ATRNL1: variants seen among roughly 807,000 people sequenced by gnomAD.
The protein encoded by ATRNL1 is attractin like 1.
In ATRNL1, 95 loss-of-function variants were observed where a neutral mutation model predicts 182.7. The observed-to-expected ratio is 0.52, with a 90% CI of 0.44 to 0.62. ATRNL1 has a LOEUF of 0.62. Ranked by LOEUF, ATRNL1 falls within the 20% of genes least tolerant of loss-of-function variation. The probability of loss-of-function intolerance (pLI) is 0.00; values close to 1 mark genes in which losing one functional copy is unlikely to be tolerated. For missense variants in ATRNL1, 1,471 were observed against 1,679.5 expected, an observed-to-expected ratio of 0.88 and a Z score of 2.17; for synonymous variants, 576 against 568.3, an observed-to-expected ratio of 1.01 and a Z score of -0.19.
chr10:115,621,329 A>G (rs1166525400), intron 26 of ATRNL1, among the ~76,000 whole-genome samples: 2 of 143,218 alleles, frequency 1.4e-5, no homozygotes, highest in African/African-American at 2.6e-5. Flanking sequence ...TGAGTGAGTC[A>G]GCATCTTACT....
intron 26 of ATRNL1, among the ~76,000 whole-genome samples, chr10:115,654,210 A>G (rs558576137): frequency 6.6e-6 from 1 of 151,484 alleles, no homozygotes; most frequent in South Asian, 2.1e-4. Flanking sequence ...AAATCTGTGA[A>G]TTTCTTTTCT....
At chr10:115,217,404 A>G (rs1469649995) in intron 9 of ATRNL1, among the ~76,000 whole-genome samples, 1 of 152,136 alleles carries the variant, frequency 6.6e-6, no homozygotes, top group Non-Finnish European at 1.5e-5. Context: ...ATATTTTTTC[A>G]ATGCTGTGTC....
At chr10:115,487,318 A>G (rs1316897794) in intron 24 of ATRNL1, among the ~76,000 whole-genome samples, 1 of 152,156 alleles carries the variant, frequency 6.6e-6, no homozygotes, top group African/African-American at 2.4e-5. Flanking sequence ...TTGACTCTAT[A>G]AATTACTTTG....
At chr10:115,727,180 C>T (rs976756576) in intron 26 of ATRNL1, 68 bp from the exon 27 acceptor site, 1 of 1,073,120 alleles carries the variant, frequency 9.3e-7, no homozygotes, top group African/African-American at 1.5e-5. Context: ...AAAGAGGGAA[C>T]CAGATATTGT....
At chr10:115,665,286 A>T (rs1751716713) in intron 26 of ATRNL1, among the ~76,000 whole-genome samples, 1 of 152,156 alleles carries the variant, frequency 6.6e-6, no homozygotes. Flanking sequence ...ATATTTAAAG[A>T]TCACTAATAC....
At chr10:115,094,517 G>A (rs2084964137) in intron 1 of ATRNL1, among the ~76,000 whole-genome samples, 2 of 152,156 alleles carry the variant, frequency 1.3e-5, no homozygotes, top group African/African-American at 4.8e-5. Flanking sequence ...CTCTAGAGGT[G>A]ACCCCTTCTA....
intron 26 of ATRNL1, among the ~76,000 whole-genome samples, chr10:115,552,006 C>A (rs1255187014): frequency 6.6e-6 from 1 of 151,154 alleles, no homozygotes; most frequent in Non-Finnish European, 1.5e-5. Context: ...CTTGCTGTAC[C>A]TAATTTATAA....
chr10:115,293,537 G>A (rs1312164203), intron 15 of ATRNL1, among the ~76,000 whole-genome samples: 2 of 151,676 alleles, frequency 1.3e-5, no homozygotes, highest in Non-Finnish European at 2.9e-5. Flanking sequence ...TTTCTCCTTA[G>A]TGTGTTGGCT....
chr10:115,589,210 G>A (rs914700358), intron 26 of ATRNL1, among the ~76,000 whole-genome samples: 1 of 152,072 alleles, frequency 6.6e-6, no homozygotes, highest in Non-Finnish European at 1.5e-5. Flanking sequence ...ACAAACTTAT[G>A]ATCTGTAAAA....
intron 8 of ATRNL1, among the ~76,000 whole-genome samples, chr10:115,211,340 C>T (rs1168720745): frequency 6.6e-6 from 1 of 151,322 alleles, no homozygotes; most frequent in African/African-American, 2.4e-5. Context: ...CTTTTTCTCT[C>T]CAGCATTTGA....
rs200282321 is a variant in ATRNL1, at chr10:115,267,025, C to T, written c.1981+20C>T. On this transcript the variant is annotated intron_variant, in intron 12 of 28. Coordinates refer to ENST00000355044, the MANE Select transcript of ATRNL1 (RefSeq NM_207303.4). ...AAACAGGTAAATTTCTTTTTCTTTT[C>T]GTCTTTGTGGCAGCAAAATTTCTCT... 90 of 1,549,628 alleles carry T rather than the reference C, an allele frequency of 5.8e-5. No homozygotes were observed. In the African/African-American group the frequency reaches 8.6e-4, roughly 15 times the overall value.
chr10:115,218,839 A>G (rs984066243), intron 9 of ATRNL1, among the ~76,000 whole-genome samples: 2 of 152,236 alleles, frequency 1.3e-5, no homozygotes, highest in Admixed American at 6.5e-5. Context: ...ATGTGCTGCC[A>G]GTGGTGACTG....
intron 8 of ATRNL1, among the ~76,000 whole-genome samples, chr10:115,209,464 G>T (rs1436375489): frequency 6.7e-6 from 1 of 148,190 alleles, no homozygotes; most frequent in South Asian, 2.2e-4. Flanking sequence ...GTGGCAGGAA[G>T]TGTTTTCTAA....
At chr10:115,769,179 G>A (rs546938297) in intron 27 of ATRNL1, among the ~76,000 whole-genome samples, 1 of 152,204 alleles carries the variant, frequency 6.6e-6, no homozygotes, top group Admixed American at 6.5e-5. Flanking sequence ...CAGTTTCAAA[G>A]TTGTAAAAGT....
intron 26 of ATRNL1, among the ~76,000 whole-genome samples, chr10:115,587,388 C>T (rs1310967980): frequency 1.3e-5 from 2 of 151,854 alleles, no homozygotes; most frequent in African/African-American, 4.8e-5. Flanking sequence ...TGATCTCAGA[C>T]TGCTGTGCTA....
chr10:115,220,151 T>A (rs551600125), intron 9 of ATRNL1, among the ~76,000 whole-genome samples: 1 of 152,292 alleles, frequency 6.6e-6, no homozygotes, highest in African/African-American at 2.4e-5. Context: ...CCTTTTGAAC[T>A]GCAGTCTCTC....
intron 19 of ATRNL1, among the ~76,000 whole-genome samples, chr10:115,389,553 T>C (rs1466680383): frequency 4.4e-5 from 3 of 68,910 alleles, no homozygotes; most frequent in Non-Finnish European, 1.0e-4. Flanking sequence ...TATATATATA[T>C]ATATATATAT....
At chr10:115,478,128 T>A (rs2134600630) in intron 24 of ATRNL1, among the ~76,000 whole-genome samples, 1 of 151,880 alleles carries the variant, frequency 6.6e-6, no homozygotes, top group African/African-American at 2.4e-5. Context: ...GAGATGATAA[T>A]ATTGCCTACC....
At chr10:115,871,469 T>TTATATATATATATATATATATATATA (rs1162576615) in intron 28 of ATRNL1, among the ~76,000 whole-genome samples, 9 of 140,298 alleles carry the variant, frequency 6.4e-5, no homozygotes, top group African/African-American at 2.1e-4. Context: ...GTCAGATTCT[T>TTATATATATATATATATATATATATA]TGTGTGTGTG....
Sources: allele counts gnomAD v4.1 joint callset (sites outside exome capture counted in the v4.1 genomes callset), GRCh38; gene constraint gnomAD v4.1.1; transcripts MANE v1.5; gene names NCBI Gene and HGNC (gene_info 2026-07-23, HGNC 2026-07-21).